Variants in PHACTR2 observed in about 807,000 individuals in gnomAD.
The protein encoded by PHACTR2 is phosphatase and actin regulator 2.
In PHACTR2, 30 loss-of-function variants were observed where a neutral mutation model predicts 76.0. That is an observed-to-expected ratio of 0.39 (90% CI 0.30 to 0.54). PHACTR2 has a LOEUF of 0.54. PHACTR2 is among the 20% of genes least tolerant of loss of function. The probability of loss-of-function intolerance (pLI) is 0.61; values close to 1 mark genes in which losing one functional copy is unlikely to be tolerated. For missense variants in PHACTR2, 696 were observed against 781.1 expected (o/e 0.89, Z 1.30); for synonymous variants, 292 against 292.5 (o/e 1.00, Z 0.02).
Position 143,625,197 on chromosome 6 carries a change from T to C in PHACTR2, c.13+16875T>C, listed in dbSNP as rs182795593. 2.9e-3 allele frequency among the ~76,000 whole-genome samples: 434 copies of C among 152,198 alleles called. No homozygotes were observed. Among genetic ancestry groups the C allele is most frequent in the Non-Finnish European group, 4.5e-3 (307 of 67,996 alleles). ...AGTATAGTCAAGGAATATGGTGTTA[T>C]GAATATTTGCTGAGGGCATCATGTG... On this transcript the variant is annotated intron_variant, in intron 1 of 11. Coordinates refer to the PHACTR2 transcript ENST00000305766. This position sits in a 1 kb window ranked among gnomAD's most constrained non-coding sequence, Gnocchi z 4.3.
intron 1 of PHACTR2, among the ~76,000 whole-genome samples, chr6:143,631,259 T>C (rs941270896): frequency 6.6e-6 from 1 of 152,152 alleles, no homozygotes; most frequent in African/African-American, 2.4e-5. Flanking sequence ...GGTATAATCA[T>C]AGCTCACTGC....
Position 143,767,093 on chromosome 6 carries a change from G to A in PHACTR2, c.1232+1295G>A, listed in dbSNP as rs1027892402. Among the ~76,000 whole-genome samples the A allele has an allele frequency of 1.3e-5, 2 of 152,186 alleles. No individual in the cohort carries two copies. The highest frequency in any genetic ancestry group is 4.8e-5 in the African/African-American group (2 of 41,440). On this transcript the variant is annotated intron_variant, in intron 6 of 12. Coordinates refer to ENST00000440869, the MANE Select transcript of PHACTR2 (RefSeq NM_001100164.2). The surrounding 1 kb of genome is among the most constrained non-coding windows in gnomAD (Gnocchi z 4.4). ...CAACTTTAATTCTTTAATTGCTAAT[G>A]ATAATAACCTTTATTTATTGAATAC...
intron 12 of PHACTR2, among the ~76,000 whole-genome samples, chr6:143,812,036 C>T (rs760916543): frequency 2.0e-5 from 3 of 152,098 alleles, no homozygotes; most frequent in Non-Finnish European, 4.4e-5. Flanking sequence ...GTAAGGCTTC[C>T]CTTCAAAACC....
At chr6:143,703,030 A>C (rs781114594) in intron 1 of PHACTR2, among the ~76,000 whole-genome samples, 2 of 151,556 alleles carry the variant, frequency 1.3e-5, no homozygotes, top group Non-Finnish European at 2.9e-5. Flanking sequence ...AAAACAGGCC[A>C]GGGCACAGTG....
At chr6:143,705,118 C>A (rs1327754853) in intron 1 of PHACTR2, among the ~76,000 whole-genome samples, 1 of 148,286 alleles carries the variant, frequency 6.7e-6, no homozygotes, top group African/African-American at 2.5e-5. Context: ...AGCCACCGCG[C>A]CCGGCCTTGT....
rs1008612863 is a variant in PHACTR2, at chr6:143,671,938, T to A, written c.14-40078T>A. ...AGATACACAGAGCAACATGGATGAA[T>A]ATCAAAAACATATGAAACAAGCCAG... On this transcript the variant is annotated intron_variant, in intron 1 of 11. Coordinates refer to the PHACTR2 transcript ENST00000305766. This position sits in a 1 kb window ranked among gnomAD's most constrained non-coding sequence, Gnocchi z 4.6. 1.3e-5 allele frequency among the ~76,000 whole-genome samples: 2 copies of A among 151,862 alleles called. No homozygotes were observed. The highest frequency in any genetic ancestry group is 4.8e-5 in the African/African-American group (2 of 41,392).
In PHACTR2 at chr6:143,733,071, T is replaced by A. The variant is rs6937056; in HGVS notation, c.215-15914T>A. ...CACCCAACTTAATTTTAAAAAAAAA[T>A]TTTTTTTCATAGAGATGGAGGCTTG... On this transcript the variant is annotated intron_variant, in intron 2 of 12. Transcript: ENST00000440869. This position sits in a 1 kb window ranked among gnomAD's most constrained non-coding sequence, Gnocchi z 4.0. Among the ~76,000 whole-genome samples, 21,822 of 151,518 alleles carry A rather than the reference T, an allele frequency of 0.14. 1,962 individuals carry two copies. The highest frequency in any genetic ancestry group is 0.25 in the African/African-American group (10,388 of 41,230).
rs1562260318 is a variant in PHACTR2, at chr6:143,653,879, C to T, written c.13+45557C>T. On this transcript the variant is annotated intron_variant, in intron 1 of 11. Coordinates refer to the PHACTR2 transcript ENST00000305766. This position sits in a 1 kb window ranked among gnomAD's most constrained non-coding sequence, Gnocchi z 4.9. ...GAAACAATAATAATTTGGACATCATCAAACTAAAAATGTTGTGGCTCAAAG... is the reference window on the plus strand; with the variant it reads ...GAAACAATAATAATTTGGACATCATTAAACTAAAAATGTTGTGGCTCAAAG... Among the ~76,000 whole-genome samples the T allele has an allele frequency of 6.6e-6, 1 of 152,068 alleles. No homozygotes were observed. Among genetic ancestry groups the T allele is most frequent in the Admixed American group, 6.6e-5 (1 of 15,256 alleles).
intron 1 of PHACTR2, among the ~76,000 whole-genome samples, chr6:143,687,493 T>C (rs1777551084): frequency 6.6e-6 from 1 of 152,122 alleles, no homozygotes; most frequent in African/African-American, 2.4e-5. Flanking sequence ...AAAAGTGATA[T>C]TAAGGATAGA....
chr6:143,717,048 C>T (rs7769992), intron 2 of PHACTR2, among the ~76,000 whole-genome samples: 26,334 of 152,128 alleles, frequency 0.17, 6,455 homozygotes, highest in African/African-American at 0.55. Flanking sequence ...TTCAGTGAAA[C>T]CCAGACTCCT....
chr6:143,695,515 G>C lies in PHACTR2; in HGVS notation c.47-16501G>C, dbSNP rs1302339150. Reference sequence around the variant, plus strand: ...ATAACTGATAAGGATTTAATTAATTGCTTGTGGTTTTGCAGTGCCAGTCCA... The same window carrying C: ...ATAACTGATAAGGATTTAATTAATTCCTTGTGGTTTTGCAGTGCCAGTCCA... On this transcript the variant is annotated intron_variant, in intron 1 of 12. Transcript: ENST00000440869. The surrounding 1 kb of genome is among the most constrained non-coding windows in gnomAD (Gnocchi z 4.4). 6.6e-6 allele frequency among the ~76,000 whole-genome samples: 1 copy of C among 152,184 alleles called. No individual in the cohort carries two copies. Among genetic ancestry groups the C allele is most frequent in the African/African-American group, 2.4e-5 (1 of 41,442 alleles).
rs9321943 is a variant in PHACTR2, at chr6:143,769,521, A to T, written c.1233-2737A>T. ...CGAGTCTTCAGTCTGGATTCTAGAC[A>T]AGACTTGCTACCTTGGTTAGGCAAC... On this transcript the variant is annotated intron_variant, in intron 6 of 12. Coordinates refer to ENST00000440869, the MANE Select transcript of PHACTR2 (RefSeq NM_001100164.2). Among the ~76,000 whole-genome samples the T allele has an allele frequency of 3.7e-3, 568 of 152,296 alleles. 5 individuals are homozygous for T. Among genetic ancestry groups the T allele is most frequent in the African/African-American group, 0.013 (556 of 41,570 alleles).
rs1218360038 is a variant in PHACTR2, at chr6:143,654,746, G to A, written c.13+46424G>A. On this transcript the variant is annotated intron_variant, in intron 1 of 11. Transcript: ENST00000305766. This position sits in a 1 kb window ranked among gnomAD's most constrained non-coding sequence, Gnocchi z 4.6. ...TTAAGCCCAGGAGTTCAAGGCTGCA[G>A]TGAGCAATGATCATGCCACCACACT... Among the ~76,000 whole-genome samples the A allele has an allele frequency of 6.6e-6, 1 of 152,208 alleles. No individual in the cohort carries two copies. The highest frequency in any genetic ancestry group is 6.5e-5 in the Admixed American group (1 of 15,284).
At position 143,743,950 on chromosome 6, in the gene PHACTR2, G is replaced by T. The variant is rs770365476; in HGVS notation, c.215-5035G>T. The stretch of plus-strand genomic sequence containing the variant: ...AATATGAAATCCCAGCCAAGTATCC[G>T]CAGAAAAAAGCCAGCGGCATATGCT... On this transcript the variant is annotated intron_variant, in intron 2 of 12. Transcript: ENST00000440869. The surrounding 1 kb of genome is among the most constrained non-coding windows in gnomAD (Gnocchi z 5.0). 3.9e-5 allele frequency among the ~76,000 whole-genome samples: 6 copies of T among 152,132 alleles called. No individual in the cohort carries two copies. The highest frequency in any genetic ancestry group is 9.7e-5 in the African/African-American group (4 of 41,410).
At chr6:143,606,148 C>T (rs1775865985), upstream of PHACTR2, among the ~76,000 whole-genome samples, 1 of 152,190 alleles carries the variant, frequency 6.6e-6, no homozygotes, top group Non-Finnish European at 1.5e-5. Context: ...TAATATTAAA[C>T]ATTTCTGTAG....
rs1254913148 is a variant in PHACTR2, at chr6:143,700,540, C to T, written c.47-11476C>T. On this transcript the variant is annotated intron_variant, in intron 1 of 12. Transcript: ENST00000440869. This position sits in a 1 kb window ranked among gnomAD's most constrained non-coding sequence, Gnocchi z 4.1. ...ACTGCACTCCATCTGGGTGACAGAACGAGACTCCATTGATTGGGGGCAGTG... is the reference window on the plus strand; with the variant it reads ...ACTGCACTCCATCTGGGTGACAGAATGAGACTCCATTGATTGGGGGCAGTG... Among the ~76,000 whole-genome samples the T allele has an allele frequency of 2.0e-5, 3 of 151,976 alleles. No homozygotes were observed. Among genetic ancestry groups the T allele is most frequent in the African/African-American group, 4.8e-5 (2 of 41,360 alleles).
At chr6:143,685,176 A>AT (rs1777486507) in intron 1 of PHACTR2, among the ~76,000 whole-genome samples, 1 of 151,964 alleles carries the variant, frequency 6.6e-6, no homozygotes, top group Non-Finnish European at 1.5e-5. Flanking sequence ...TTCCTCTGCT[A>AT]TTTTTCTCAT....
At position 143,653,220 on chromosome 6, in the gene PHACTR2, G is replaced by A. The variant is rs1776794155; in HGVS notation, c.13+44898G>A. On this transcript the variant is annotated intron_variant, in intron 1 of 11. Coordinates refer to the PHACTR2 transcript ENST00000305766. The surrounding 1 kb of genome is among the most constrained non-coding windows in gnomAD (Gnocchi z 4.9). ...AAGCAATTTGTGCATCGAGACTCGA[G>A]CTGCTTTGGAGTTTCCCTCTGGATT... Among the ~76,000 whole-genome samples the A allele has an allele frequency of 6.6e-6, 1 of 152,182 alleles. No individual in the cohort carries two copies.
Position 143,599,601 on chromosome 6 carries a change from G to A in PHACTR2, c.217+62394G>A, listed in dbSNP as rs1775793084. ...GAAATGCTTATTAATTTAAATTTAA[G>A]TCAAGCAGAGCCTAGAATACTTGTT... On this transcript the variant is annotated intron_variant, in intron 1 of 11. Coordinates refer to the PHACTR2 transcript ENST00000367584. The surrounding 1 kb of genome is among the most constrained non-coding windows in gnomAD (Gnocchi z 4.6). Among the ~76,000 whole-genome samples the A allele has an allele frequency of 1.3e-5, 2 of 152,148 alleles. No individual in the cohort carries two copies. The highest frequency in any genetic ancestry group is 4.1e-4 in the South Asian group (2 of 4,828).
Sources: allele counts gnomAD v4.1 joint callset (sites outside exome capture counted in the v4.1 genomes callset), GRCh38; gene constraint gnomAD v4.1.1; non-coding constraint Gnocchi (gnomAD v3.1); transcripts MANE v1.5; gene names NCBI Gene and HGNC (gene_info 2026-07-23, HGNC 2026-07-21).